NR3C2: variants seen among roughly 807,000 people sequenced by gnomAD.
NR3C2 encodes the protein mineralocorticoid receptor.
In NR3C2, 15 loss-of-function variants were observed where a neutral mutation model predicts 86.4. The ratio of observed to expected loss-of-function variants is 0.17; its 90% CI spans 0.12 to 0.27. NR3C2 has a LOEUF of 0.27. NR3C2 is among the 10% of genes least tolerant of loss of function. The pLI is 1.00. For missense variants in NR3C2, 960 were observed against 1,195.6 expected, an observed-to-expected ratio of 0.80 and a Z score of 2.91; for synonymous variants, 458 against 450.5, an observed-to-expected ratio of 1.02 and a Z score of -0.21.
At chr4:148,119,895 C>T (rs1481947756) in intron 7 of NR3C2, among the ~76,000 whole-genome samples, 4 of 152,074 alleles carry the variant, frequency 2.6e-5, no homozygotes, top group Admixed American at 6.5e-5. Context: ...TCCTACCATA[C>T]ACATAACAGA....
intron 8 of NR3C2, among the ~76,000 whole-genome samples, chr4:148,091,663 C>T (rs1480783160): frequency 1.3e-5 from 2 of 152,170 alleles, no homozygotes; most frequent in African/African-American, 4.8e-5. Context: ...CTCCTGGGTA[C>T]CAGCCTGATG....
chr4:148,207,839 A>C (rs1386821097), intron 3 of NR3C2, among the ~76,000 whole-genome samples: 1 of 152,182 alleles, frequency 6.6e-6, no homozygotes, highest in African/African-American at 2.4e-5. Context: ...ACACACACAC[A>C]CCCATAACAT....
intron 2 of NR3C2, among the ~76,000 whole-genome samples, chr4:148,265,143 A>T (rs1740311246): frequency 6.6e-6 from 1 of 152,172 alleles, no homozygotes; most frequent in Non-Finnish European, 1.5e-5. Flanking sequence ...ATGAGTGAAA[A>T]TTTTATTTCC....
At chr4:148,261,631 GA>G (rs1195787092) in intron 2 of NR3C2, among the ~76,000 whole-genome samples, 1 of 152,198 alleles carries the variant, frequency 6.6e-6, no homozygotes, top group African/African-American at 2.4e-5. Context: ...GGGGCTCAGA[GA>G]AATGGGAGCT....
chr4:148,325,632 C>T (rs370200226), intron 2 of NR3C2, among the ~76,000 whole-genome samples: 1 of 152,122 alleles, frequency 6.6e-6, no homozygotes, highest in African/African-American at 2.4e-5. Flanking sequence ...AGGGTAAGAT[C>T]AAAACAGATT....
chr4:148,238,125 A>G (rs1000333544), intron 3 of NR3C2, among the ~76,000 whole-genome samples: 3 of 152,136 alleles, frequency 2.0e-5, no homozygotes, highest in Non-Finnish European at 4.4e-5. Context: ...AAAAGTATCT[A>G]TTTTCAGGCA....
chr4:148,104,789 TGAA>T (rs892693830), intron 8 of NR3C2, among the ~76,000 whole-genome samples: 9 of 152,166 alleles, frequency 5.9e-5, no homozygotes, highest in Admixed American at 5.9e-4. Context: ...GCCTTACAGT[TGAA>T]GAAACCGAAA....
intron 2 of NR3C2, among the ~76,000 whole-genome samples, chr4:148,307,896 GA>G (rs990076798): frequency 1.3e-5 from 2 of 151,426 alleles, no homozygotes; most frequent in African/African-American, 2.4e-5. Context: ...TACTCTAAAA[GA>G]AAAAAAGTTA....
chr4:148,354,822 TA>T (rs2149996703), intron 2 of NR3C2, among the ~76,000 whole-genome samples: 1 of 152,324 alleles, frequency 6.6e-6, no homozygotes, highest in African/African-American at 2.4e-5. Flanking sequence ...AGAATTATCT[TA>T]ATCAAGGATA....
intron 6 of NR3C2, among the ~76,000 whole-genome samples, chr4:148,123,459 G>A (rs1732603962): frequency 6.6e-6 from 1 of 152,096 alleles, no homozygotes; most frequent in African/African-American, 2.4e-5. Context: ...TAGTAGTTCT[G>A]CTTTTTGCCC....
intron 2 of NR3C2, among the ~76,000 whole-genome samples, chr4:148,335,725 T>C (rs1251138842): frequency 6.6e-6 from 1 of 151,940 alleles, no homozygotes; most frequent in African/African-American, 2.4e-5. Flanking sequence ...AATTTCAGGG[T>C]TAGAGAACAT....
chr4:148,444,674 C>T (rs1309638467), upstream of NR3C2: 2 of 985,458 alleles, frequency 2.0e-6, no homozygotes, highest in African/African-American at 3.5e-5. Flanking sequence ...GTGGCAGTCG[C>T]CCTGCTGACG....
intron 2 of NR3C2, among the ~76,000 whole-genome samples, chr4:148,357,831 G>A (rs1432054897): frequency 6.6e-6 from 1 of 152,112 alleles, no homozygotes. Context: ...TAAAAGCAAG[G>A]CAAAGGTTTG....
At position 148,138,983 on chromosome 4, in the gene NR3C2, A is replaced by T. The variant is rs540052810; in HGVS notation, c.2510+13486T>A. Among the ~76,000 whole-genome samples the T allele has an allele frequency of 3.9e-5, 6 of 152,310 alleles. No homozygotes were observed. The East Asian group carries it at 1.2e-3, about 29-fold the overall frequency. ...CCCTTCTGCCTTCTACCATGAGATG[A>T]TGCGGCAGGAAGGTTCCCGCCAGAT... On this transcript the variant is annotated intron_variant, in intron 6 of 8. Coordinates refer to ENST00000358102, the MANE Select transcript of NR3C2 (RefSeq NM_000901.5).
At chr4:148,188,414 TTGTA>T (rs559070655) in intron 4 of NR3C2, among the ~76,000 whole-genome samples, 17 of 152,210 alleles carry the variant, frequency 1.1e-4, no homozygotes, top group Non-Finnish European at 2.5e-4. Context: ...CAGCAGTGTT[TTGTA>T]GTCTTCCTTG....
chr4:148,262,259 T>C (rs1445956143), intron 2 of NR3C2, among the ~76,000 whole-genome samples: 1 of 152,146 alleles, frequency 6.6e-6, no homozygotes, highest in African/African-American at 2.4e-5. Context: ...TACTATTTTA[T>C]TGGGATCTTA....
At chr4:148,228,469 C>T (rs1370402081) in intron 3 of NR3C2, among the ~76,000 whole-genome samples, 3 of 152,132 alleles carry the variant, frequency 2.0e-5, no homozygotes, top group Non-Finnish European at 2.9e-5. Context: ...AATAAAAAAG[C>T]AAAGCTGCAA....
intron 4 of NR3C2, among the ~76,000 whole-genome samples, chr4:148,171,419 G>A (rs1395204425): frequency 2.0e-5 from 3 of 152,194 alleles, no homozygotes; most frequent in Non-Finnish European, 4.4e-5. Flanking sequence ...TTATAGCAGT[G>A]GTTCCCAACC....
At position 148,082,665 on chromosome 4, in the gene NR3C2, G is replaced by GTTTTTT. The variant is rs11381991; in HGVS notation, c.2800-1172_2800-1167dup. ...TAGGGCAGACACTGAGCTAGCTGCA[G>GTTTTTT]TTTTTTTTTTTTTTTTTCATACCCC... On this transcript the variant is annotated intron_variant, in intron 8 of 8. Transcript: ENST00000358102. Among the ~76,000 whole-genome samples, 75 of 130,906 alleles carry GTTTTTT rather than the reference G, an allele frequency of 5.7e-4. 9 individuals are homozygous for GTTTTTT. The highest frequency in any genetic ancestry group is 2.4e-3 in the South Asian group (9 of 3,744). The allele number at this position is 130,906 out of a possible 152,430, so 85.9% of individuals were successfully genotyped here.
Sources: allele counts gnomAD v4.1 joint callset (sites outside exome capture counted in the v4.1 genomes callset), GRCh38; gene constraint gnomAD v4.1.1; transcripts MANE v1.5; gene names NCBI Gene and HGNC (gene_info 2026-07-23, HGNC 2026-07-21).